Variants in PKN2 observed in about 807,000 individuals in gnomAD.
PKN2 encodes the protein protein kinase N2, also known as serine/threonine-protein kinase N2.
PKN2 carries 38 observed loss-of-function variants against 119.1 expected under a neutral mutation model. The ratio of observed to expected loss-of-function variants is 0.32; its 90% CI spans 0.25 to 0.42. The LOEUF (loss-of-function observed/expected upper bound fraction) is 0.42. PKN2 is among the 10% of genes least tolerant of loss of function. The pLI is 1.00. For missense variants in PKN2, 850 were observed against 1,165.1 expected (o/e 0.73, Z 3.94); for synonymous variants, 390 against 384.9 (o/e 1.01, Z -0.15).
chr1:88,788,522 C>T (rs937523557), intron 8 of PKN2, among the ~76,000 whole-genome samples: 38 of 151,798 alleles, frequency 2.5e-4, no homozygotes, highest in African/African-American at 8.5e-4. Flanking sequence ...CTCGGCTCAT[C>T]GCAACCTCTG....
chr1:88,746,438 G>A (rs140669262), intron 2 of PKN2, among the ~76,000 whole-genome samples: 40 of 152,188 alleles, frequency 2.6e-4, no homozygotes, highest in Middle Eastern at 6.8e-3. Context: ...TTTAAAAAAT[G>A]GGCAAAGGAC....
intron 19 of PKN2, among the ~76,000 whole-genome samples, chr1:88,832,416 A>G (rs1475899309): frequency 6.6e-6 from 1 of 152,036 alleles, no homozygotes; most frequent in African/African-American, 2.4e-5. Context: ...AGTGAATGAA[A>G]TAAAATGGAA....
intron 8 of PKN2, among the ~76,000 whole-genome samples, chr1:88,801,875 A>C (rs188555854): frequency 6.6e-6 from 1 of 152,238 alleles, no homozygotes; most frequent in African/African-American, 2.4e-5. Flanking sequence ...TCCTGCATCC[A>C]TTGGCTGGAG....
At chr1:88,715,032 A>T (rs575899794) in intron 1 of PKN2, among the ~76,000 whole-genome samples, 4 of 152,116 alleles carry the variant, frequency 2.6e-5, no homozygotes, top group Non-Finnish European at 5.9e-5. Flanking sequence ...TGAGATAATC[A>T]TGTGGCTTTT....
intron 19 of PKN2, among the ~76,000 whole-genome samples, chr1:88,831,520 T>C (rs1408156579): frequency 6.6e-6 from 1 of 151,986 alleles, no homozygotes; most frequent in Non-Finnish European, 1.5e-5. Context: ...ATTTTATTTA[T>C]GTATTTTGAG....
At chr1:88,804,317 T>A in intron 8 of PKN2, 74 bp from the exon 9 acceptor site, 1 of 1,133,402 alleles carries the variant, frequency 8.8e-7, no homozygotes, top group Non-Finnish European at 1.3e-6. Flanking sequence ...TCATATTTTT[T>A]GTGATATTTT....
intron 1 of PKN2, among the ~76,000 whole-genome samples, chr1:88,734,365 AT>A (rs1668259237): frequency 1.3e-5 from 2 of 152,080 alleles, no homozygotes; most frequent in African/African-American, 4.8e-5. Context: ...TCTTTAATCC[AT>A]TTTGAGTTGA....
At chr1:88,769,341 G>A (rs1265065132) in intron 3 of PKN2, among the ~76,000 whole-genome samples, 3 of 152,008 alleles carry the variant, frequency 2.0e-5, no homozygotes, top group Non-Finnish European at 4.4e-5. Context: ...ACCTTTCTTA[G>A]CATAATTAAT....
At chr1:88,692,608 T>C (rs1666376889) in intron 1 of PKN2, among the ~76,000 whole-genome samples, 1 of 152,252 alleles carries the variant, frequency 6.6e-6, no homozygotes, top group Admixed American at 6.5e-5. Flanking sequence ...ATTTTCCTGG[T>C]TATCACTGAT....
chr1:88,696,922 C>T (rs935365182), intron 1 of PKN2, among the ~76,000 whole-genome samples: 1 of 152,146 alleles, frequency 6.6e-6, no homozygotes, highest in African/African-American at 2.4e-5. Context: ...GAACCACACT[C>T]CCTATCTTTG....
At chr1:88,708,719 C>T (rs1439387603) in intron 1 of PKN2, among the ~76,000 whole-genome samples, 1 of 151,322 alleles carries the variant, frequency 6.6e-6, no homozygotes, top group Non-Finnish European at 1.5e-5. Context: ...GTCTCGGCCT[C>T]CCACAGTGCT....
chr1:88,802,306 G>A (rs1375574123), intron 8 of PKN2, among the ~76,000 whole-genome samples: 2 of 151,942 alleles, frequency 1.3e-5, no homozygotes, highest in South Asian at 2.1e-4. Context: ...TCTCAGATCT[G>A]TAACATACTT....
chr1:88,827,636 T>TCCCTCCCCTC (rs1196888549), intron 18 of PKN2, among the ~76,000 whole-genome samples: 1 of 75,078 alleles, frequency 1.3e-5, no homozygotes, highest in Admixed American at 1.4e-4. Context: ...TCCCTTCCCT[T>TCCCTCCCCTC]CCCTCCCCTC....
intron 2 of PKN2, among the ~76,000 whole-genome samples, chr1:88,756,391 C>T (rs1669203492): frequency 6.6e-6 from 1 of 152,146 alleles, no homozygotes. Context: ...GCCCTACCTA[C>T]CTTTTTACTC....
chr1:88,718,893 T>C (rs1667560410), intron 1 of PKN2, among the ~76,000 whole-genome samples: 1 of 152,220 alleles, frequency 6.6e-6, no homozygotes, highest in Non-Finnish European at 1.5e-5. Context: ...CACTGTTGTA[T>C]TGACCAGCCA....
chr1:88,804,737 G>A, intron 9 of PKN2, 109 bp from the exon 10 acceptor site: 1 of 756,626 alleles, frequency 1.3e-6, no homozygotes, highest in Non-Finnish European at 2.2e-6. Context: ...AAAATGAGGG[G>A]CTGGACTAAA....
chr1:88,814,609 T>C (rs2100897993), intron 16 of PKN2, among the ~76,000 whole-genome samples: 1 of 152,296 alleles, frequency 6.6e-6, no homozygotes, highest in African/African-American at 2.4e-5. Context: ...TCCATTTTTC[T>C]ACCTACCTCA....
intron 16 of PKN2, among the ~76,000 whole-genome samples, chr1:88,814,647 T>TA (rs1671913189): frequency 6.6e-6 from 1 of 152,142 alleles, no homozygotes; most frequent in Admixed American, 6.6e-5. Context: ...CTGCTACTCT[T>TA]AGTCTTCCCT....
At chr1:88,820,226 ATATATAT>A in intron 16 of PKN2, among the ~76,000 whole-genome samples, 5 of 108,444 alleles carry the variant, frequency 4.6e-5, no homozygotes, top group Non-Finnish European at 7.0e-5. Flanking sequence ...ATATATATAT[ATATATAT>A]AAATAGAAAA....
Sources: allele counts gnomAD v4.1 joint callset (sites outside exome capture counted in the v4.1 genomes callset), GRCh38; gene constraint gnomAD v4.1.1; transcripts MANE v1.5; gene names NCBI Gene and HGNC (gene_info 2026-07-23, HGNC 2026-07-21).